Variants in FRK observed in about 807,000 individuals in gnomAD.
The protein encoded by FRK is tyrosine-protein kinase FRK.
In FRK, 51 loss-of-function variants were observed where a neutral mutation model predicts 56.4. The observed-to-expected ratio is 0.90, with a 90% CI of 0.72 to 1.14. The LOEUF is 1.14. Ranked by LOEUF, FRK falls within the 50% of genes most tolerant of loss-of-function variation. FRK has a pLI of 0.00. For synonymous variants in FRK, 245 were observed against 217.9 expected (o/e 1.12, Z -1.10); for missense variants, 570 against 601.4 (o/e 0.95, Z 0.55).
At chr6:116,039,439 G>A (rs995590796) in intron 1 of FRK, 21 of 1,573,888 alleles carry the variant, frequency 1.3e-5, no homozygotes, top group African/African-American at 4.1e-5. Flanking sequence ...TGGCTTCCTC[G>A]TGGGTGATGC....
intron 1 of FRK, among the ~76,000 whole-genome samples, chr6:116,016,728 A>ATTCT (rs529184829): frequency 4.6e-4 from 70 of 152,136 alleles, no homozygotes; most frequent in Admixed American, 1.2e-3. Flanking sequence ...TTCTTCCTTC[A>ATTCT]TTCTTTCTTT....
At position 115,956,438 on chromosome 6, in the gene FRK, A is replaced by G. The variant is rs767175795; in HGVS notation, c.958+14T>C. 2.0e-6 allele frequency: 3 copies of G among 1,487,634 alleles called. No individual in the cohort carries two copies. In the African/African-American group the frequency reaches 4.2e-5, roughly 21 times the overall value. The allele number at this position is 1,487,634 out of a possible 1,614,324, so 92.2% of individuals were successfully genotyped here. A position where few individuals can be genotyped will look rare whatever the true frequency, so the allele number is the denominator to read the frequency against. ...AATTCCTCTTTTTTTCCTTGTATTA[A>G]GTCTTTAGCTTACTTTGGAGATATT... On this transcript the variant is annotated intron_variant, in intron 5 of 7. Coordinates refer to ENST00000606080, the MANE Select transcript of FRK (RefSeq NM_002031.3).
rs1391067840 is a variant in FRK, at chr6:115,935,895, G to A, written c.*6519C>T. 3 of 152,420 alleles carry A rather than the reference G, an allele frequency of 2.0e-5. No individual in the cohort carries two copies. The highest frequency in any genetic ancestry group is 4.4e-5 in the Non-Finnish European group (3 of 68,214). 9.4% of individuals were successfully genotyped at this position (152,420 alleles called of 1,614,324 possible). On this transcript the variant is annotated 3_prime_UTR_variant, in exon 8 of 8. Coordinates refer to ENST00000606080, the MANE Select transcript of FRK (RefSeq NM_002031.3). The stretch of plus-strand genomic sequence containing the variant: ...CCCTGGGACAGAGCACCTGTGGGAA[G>A]GGGTGGATATGGGAGCAGCTTCAGC...
intron 4 of FRK, 36 bp from the exon 5 acceptor site, chr6:115,956,646 T>C (rs201455615): frequency 1.6e-5 from 24 of 1,466,374 alleles, no homozygotes; most frequent in Admixed American, 2.2e-5. Context: ...CTTTATGTTA[T>C]TGAGGCATTC....
intron 1 of FRK, among the ~76,000 whole-genome samples, chr6:116,024,752 A>AT (rs1459595462): frequency 2.0e-5 from 3 of 152,126 alleles, no homozygotes; most frequent in African/African-American, 7.2e-5. Context: ...TTATAGCAGC[A>AT]TGATTTATAG....
chr6:116,095,856 T>G, the FRK span, among the ~76,000 whole-genome samples: 1 of 152,080 alleles, frequency 6.6e-6, no homozygotes, highest in African/African-American at 2.4e-5. Flanking sequence ...GGAAGAGTGT[T>G]GCTTTTACAC....
At chr6:116,054,580 A>T (rs542397699) in intron 1 of FRK, among the ~76,000 whole-genome samples, 1 of 146,648 alleles carries the variant, frequency 6.8e-6, no homozygotes, top group South Asian at 2.1e-4. Context: ...AGTGTTATTT[A>T]TATATATAAA....
At chr6:116,077,122 G>A in the FRK span, among the ~76,000 whole-genome samples, 1 of 152,102 alleles carries the variant, frequency 6.6e-6, no homozygotes, top group Non-Finnish European at 1.5e-5. Context: ...AGAAATAGAG[G>A]TACATTACAA....
At chr6:115,969,701 T>A (rs1474004131) in intron 2 of FRK, among the ~76,000 whole-genome samples, 1 of 152,108 alleles carries the variant, frequency 6.6e-6, no homozygotes, top group Non-Finnish European at 1.5e-5. Context: ...GGTTTACTGA[T>A]GGGAGTTTGG....
the FRK span, among the ~76,000 whole-genome samples, chr6:116,080,639 T>A: frequency 6.6e-6 from 1 of 152,186 alleles, no homozygotes; most frequent in Non-Finnish European, 1.5e-5. Context: ...TTATACCATA[T>A]GAAAACTTTC....
intron 2 of FRK, among the ~76,000 whole-genome samples, chr6:115,988,593 C>T (rs1774473876): frequency 6.6e-6 from 1 of 151,980 alleles, no homozygotes. Flanking sequence ...CGTGTTACTT[C>T]TGACATGCCA....
At chr6:116,061,333 G>A (rs998375290), upstream of FRK, among the ~76,000 whole-genome samples, 5 of 151,880 alleles carry the variant, frequency 3.3e-5, no homozygotes, top group South Asian at 2.1e-4. Flanking sequence ...CTAAAATGCT[G>A]AGAACCCAAA....
the FRK span, among the ~76,000 whole-genome samples, chr6:116,086,230 G>T: frequency 6.6e-6 from 1 of 151,932 alleles, no homozygotes; most frequent in Non-Finnish European, 1.5e-5. Context: ...AGTCGCAGGG[G>T]ACAAAAAGTA....
chr6:116,085,936 A>C, the FRK span, among the ~76,000 whole-genome samples: 1 of 124,680 alleles, frequency 8.0e-6, no homozygotes, highest in Admixed American at 7.7e-5. Flanking sequence ...TTACACATAC[A>C]TTGACACTTC....
At chr6:116,056,735 G>A (rs968362751) in intron 1 of FRK, among the ~76,000 whole-genome samples, 2 of 152,078 alleles carry the variant, frequency 1.3e-5, no homozygotes, top group African/African-American at 2.4e-5. Context: ...CAAGGTTTTC[G>A]AGGGATTTCA....
At chr6:116,075,636 C>A in the FRK span, among the ~76,000 whole-genome samples, 2 of 152,104 alleles carry the variant, frequency 1.3e-5, no homozygotes, top group Non-Finnish European at 1.5e-5. Flanking sequence ...TCCCTAGAGA[C>A]CTAGACCTCA....
chr6:116,065,466 C>G (rs1443366161), upstream of FRK, among the ~76,000 whole-genome samples: 1 of 152,226 alleles, frequency 6.6e-6, no homozygotes, highest in Non-Finnish European at 1.5e-5. Context: ...TGCACTTCTT[C>G]TGCATACCTG....
chr6:116,043,004 T>C (rs1776786234), intron 1 of FRK, among the ~76,000 whole-genome samples: 2 of 151,832 alleles, frequency 1.3e-5, no homozygotes, highest in African/African-American at 4.8e-5. Context: ...CATTACATAA[T>C]GGTAAAGGGA....
At chr6:116,044,469 C>T (rs1331572812) in intron 1 of FRK, among the ~76,000 whole-genome samples, 1 of 152,192 alleles carries the variant, frequency 6.6e-6, no homozygotes, top group Non-Finnish European at 1.5e-5. Context: ...ATAAACAGAA[C>T]CAATGACAAA....
Sources: allele counts gnomAD v4.1 joint callset (sites outside exome capture counted in the v4.1 genomes callset), GRCh38; gene constraint gnomAD v4.1.1; transcripts MANE v1.5; gene names NCBI Gene and HGNC (gene_info 2026-07-23, HGNC 2026-07-21).